Variants in FOXN3 observed in about 807,000 individuals in gnomAD.
The protein encoded by FOXN3 is forkhead box protein N3.
A neutral mutation model predicts 38.4 loss-of-function variants in FOXN3; 7 were observed. The observed-to-expected ratio is 0.18, with a 90% CI of 0.10 to 0.34. The LOEUF is 0.34. FOXN3 is among the 10% of genes least tolerant of loss of function. The probability of loss-of-function intolerance (pLI) is 1.00; values close to 1 mark genes in which losing one functional copy is unlikely to be tolerated. For missense variants in FOXN3, 456 were observed against 613.4 expected (o/e 0.74, Z 2.71); for synonymous variants, 230 against 242.2 (o/e 0.95, Z 0.47).
At chr14:89,269,862 G>A (rs868839057) in intron 4 of FOXN3, among the ~76,000 whole-genome samples, 11 of 152,038 alleles carry the variant, frequency 7.2e-5, no homozygotes, top group African/African-American at 1.2e-4. Flanking sequence ...TTCCCCACAC[G>A]TTAGACCACC....
chr14:89,579,687 T>C (rs1462741117), intron 1 of FOXN3, among the ~76,000 whole-genome samples: 1 of 152,162 alleles, frequency 6.6e-6, no homozygotes, highest in East Asian at 1.9e-4. Flanking sequence ...CTCAGGACCT[T>C]GGCATGTACA....
upstream of FOXN3, among the ~76,000 whole-genome samples, chr14:89,422,024 G>A (rs371950921): frequency 9.9e-5 from 15 of 152,010 alleles, no homozygotes; most frequent in African/African-American, 3.6e-4. Flanking sequence ...GACTACAGGC[G>A]CATGCCACCA....
At chr14:89,552,685 C>A (rs1895029906) in intron 1 of FOXN3, among the ~76,000 whole-genome samples, 1 of 152,282 alleles carries the variant, frequency 6.6e-6, no homozygotes, top group Non-Finnish European at 1.5e-5. Flanking sequence ...ATGCCAAAAC[C>A]CCGTCTCTAC....
intron 4 of FOXN3, among the ~76,000 whole-genome samples, chr14:89,256,450 A>C (rs746611556): frequency 6.6e-6 from 1 of 152,170 alleles, no homozygotes; most frequent in Non-Finnish European, 1.5e-5. Flanking sequence ...CAGGACAAAC[A>C]GGCTGGGTGG....
chr14:89,346,912 T>C (rs1339124039), intron 3 of FOXN3, among the ~76,000 whole-genome samples: 1 of 152,242 alleles, frequency 6.6e-6, no homozygotes, highest in Non-Finnish European at 1.5e-5. Flanking sequence ...TTTCCAGTTA[T>C]AATCCAACAC....
Position 89,484,958 on chromosome 14 carries a change from C to A in FOXN3, c.-14-72468G>T, listed in dbSNP as rs1893414878. Among the ~76,000 whole-genome samples the A allele has an allele frequency of 6.6e-6, 1 of 152,022 alleles. No individual in the cohort carries two copies. The highest frequency in any genetic ancestry group is 1.5e-5 in the Non-Finnish European group (1 of 67,984). Reference sequence around the variant, plus strand: ...CTTGAGGTCAGGAGTTCGAGACCAGCCTGGCCAATATGGTGAAACACCATC... The same window carrying A: ...CTTGAGGTCAGGAGTTCGAGACCAGACTGGCCAATATGGTGAAACACCATC... On this transcript the variant is annotated intron_variant, in intron 1 of 6. Coordinates refer to the FOXN3 transcript ENST00000345097. The surrounding 1 kb of genome is among the most constrained non-coding windows in gnomAD (Gnocchi z 4.0).
intron 1 of FOXN3, among the ~76,000 whole-genome samples, chr14:89,514,086 C>T (rs563012745): frequency 2.5e-4 from 38 of 152,144 alleles, no homozygotes; most frequent in African/African-American, 8.9e-4. Flanking sequence ...CAGGTGATGA[C>T]GCTCATCTTG....
intron 1 of FOXN3, among the ~76,000 whole-genome samples, chr14:89,513,051 A>C (rs1216584796): frequency 6.7e-6 from 1 of 149,616 alleles, no homozygotes; most frequent in Non-Finnish European, 1.5e-5. Flanking sequence ...GAGGCAGGAG[A>C]ATTGCTTGAA....
At position 89,301,441 on chromosome 14, in the gene FOXN3, G is replaced by A. The variant is rs574751289; in HGVS notation, c.681-20427C>T. Among the ~76,000 whole-genome samples the A allele has an allele frequency of 1.4e-3, 207 of 151,432 alleles. 1 individual carries two copies. Among genetic ancestry groups the A allele is most frequent in the African/African-American group, 2.9e-3 (119 of 41,226 alleles). ...CCATGAGCCATGATCATGCCACTGC[G>A]CTCCAGACTGCGTGACAGAGTGATA... On this transcript the variant is annotated intron_variant, in intron 3 of 5. Coordinates refer to ENST00000557258, the MANE Select transcript of FOXN3 (RefSeq NM_005197.4).
intron 3 of FOXN3, among the ~76,000 whole-genome samples, chr14:89,306,146 T>A (rs1887362494): frequency 6.6e-6 from 1 of 152,198 alleles, no homozygotes; most frequent in Admixed American, 6.5e-5. Flanking sequence ...CATTTAGAAT[T>A]CTCTGTGTGG....
rs1261092727 is a variant in FOXN3 at position 89,215,869 on chromosome 14, G to C, written c.746-35063C>G. Among the ~76,000 whole-genome samples, 3 of 152,262 alleles carry C rather than the reference G, an allele frequency of 2.0e-5. No individual in the cohort carries two copies. The South Asian group carries it at 6.2e-4, about 32-fold the overall frequency. On this transcript the variant is annotated intron_variant, in intron 4 of 5. Coordinates refer to ENST00000557258, the MANE Select transcript of FOXN3 (RefSeq NM_005197.4). ...AAATCTTAACAGCTGGGCAGATGAC[G>C]GAATAATGAAATGGCTCCTTGTATC...
intron 1 of FOXN3, among the ~76,000 whole-genome samples, chr14:89,498,210 CTTTTTTTTTTTTT>C (rs547081117): frequency 4.9e-5 from 4 of 81,062 alleles, no homozygotes; most frequent in African/African-American, 1.2e-4. Flanking sequence ...CTCTCTCTCT[CTTTTTTTTTTTTT>C]TTTTTTTTTT....
At chr14:89,609,785 T>C (rs187460353) in intron 1 of FOXN3, among the ~76,000 whole-genome samples, 3 of 152,240 alleles carry the variant, frequency 2.0e-5, no homozygotes, top group East Asian at 1.9e-4. Flanking sequence ...GTAGTTTTTT[T>C]TGGAGGGAAG....
chr14:89,386,644 A>G (rs6575060), intron 2 of FOXN3, among the ~76,000 whole-genome samples: 29,760 of 152,194 alleles, frequency 0.2, 3,082 homozygotes, highest in South Asian at 0.38. Flanking sequence ...AGCACACTCT[A>G]TTAGTCAGCT....
chr14:89,523,076 T>C (rs997999890), intron 1 of FOXN3, among the ~76,000 whole-genome samples: 1 of 152,180 alleles, frequency 6.6e-6, no homozygotes, highest in Non-Finnish European at 1.5e-5. Flanking sequence ...GCCCTATTAA[T>C]ATCAAGGTAG....
chr14:89,575,785 T>C (rs984908422), intron 1 of FOXN3, among the ~76,000 whole-genome samples: 31 of 152,344 alleles, frequency 2.0e-4, no homozygotes, highest in African/African-American at 7.5e-4. Context: ...CACGCTTTTG[T>C]CTACTTTGGG....
At chr14:89,518,987 C>T (rs1412699111) in intron 1 of FOXN3, among the ~76,000 whole-genome samples, 1 of 152,168 alleles carries the variant, frequency 6.6e-6, no homozygotes, top group Non-Finnish European at 1.5e-5. Context: ...TGCACTCTAG[C>T]CTGGGCAACA....
At chr14:89,229,831 C>T (rs1258446913) in intron 4 of FOXN3, among the ~76,000 whole-genome samples, 8 of 152,160 alleles carry the variant, frequency 5.3e-5, no homozygotes, top group South Asian at 4.1e-4. Flanking sequence ...GTACAGCCAC[C>T]GACCAAACCG....
At chr14:89,607,471 A>G (rs1896296673) in intron 1 of FOXN3, among the ~76,000 whole-genome samples, 2 of 151,820 alleles carry the variant, frequency 1.3e-5, no homozygotes, top group African/African-American at 4.8e-5. Context: ...AGGCAGGAGA[A>G]TCGCTTGGAC....
Sources: gnomAD v4.1 joint callset for allele counts (sites outside exome capture counted in the v4.1 genomes callset) on GRCh38, gnomAD v4.1.1 for gene constraint, Gnocchi (gnomAD v3.1) non-coding constraint, MANE v1.5 for transcripts, NCBI Gene and HGNC (gene_info 2026-07-23, HGNC 2026-07-21) for gene names.